Variants in NCBP1 observed in about 807,000 individuals in gnomAD.
NCBP1 encodes nuclear cap binding protein subunit 1.
A neutral mutation model predicts 111.7 loss-of-function variants in NCBP1; 16 were observed. The observed-to-expected ratio is 0.14, with a 90% CI of 0.10 to 0.22. NCBP1 has a LOEUF of 0.22. Ranked by LOEUF, NCBP1 falls within the 10% of genes least tolerant of loss-of-function variation. The pLI, the probability that NCBP1 is intolerant of heterozygous loss-of-function variation, is 1.00. For missense variants in NCBP1, 607 were observed against 957.5 expected (o/e 0.63, Z 4.83); for synonymous variants, 304 against 314.3 (o/e 0.97, Z 0.35).
chr9:97,639,323 C>G (rs982273325), intron 1 of NCBP1, among the ~76,000 whole-genome samples: 1 of 151,996 alleles, frequency 6.6e-6, no homozygotes, highest in Non-Finnish European at 1.5e-5. Context: ...GTAATAGATT[C>G]GTTTTATTCA....
intron 3 of NCBP1, among the ~76,000 whole-genome samples, chr9:97,642,650 T>A (rs1253653861): frequency 6.6e-6 from 1 of 152,124 alleles, no homozygotes; most frequent in Admixed American, 6.6e-5. Flanking sequence ...AGTATGTTTT[T>A]AAAAAATTCA....
chr9:97,669,516 G>C, intron 21 of NCBP1, 77 bp from the exon 22 acceptor site: 2 of 968,530 alleles, frequency 2.1e-6, no homozygotes, highest in Non-Finnish European at 3.3e-6. Context: ...ATACTTTGGG[G>C]TTTCTTTGTC....
chr9:97,670,170 C>T (rs752619434), intron 22 of NCBP1: 28 of 231,842 alleles, frequency 1.2e-4, no homozygotes, highest in Non-Finnish European at 2.1e-4. Context: ...AGGCCTCCGC[C>T]TCCCAAAGTG....
chr9:97,661,736 T>TG (rs1827842138), intron 16 of NCBP1, among the ~76,000 whole-genome samples: 1 of 140,790 alleles, frequency 7.1e-6, no homozygotes, highest in African/African-American at 3.2e-5. Flanking sequence ...TTAAGTGTTT[T>TG]TTTTTTTTTT....
At chr9:97,666,530 A>G (rs971390478) in intron 19 of NCBP1, among the ~76,000 whole-genome samples, 7 of 152,224 alleles carry the variant, frequency 4.6e-5, no homozygotes, top group Admixed American at 3.9e-4. Flanking sequence ...AAAAATGACT[A>G]CACAGTGCTG....
At chr9:97,647,040 A>G (rs547224323) in intron 6 of NCBP1, among the ~76,000 whole-genome samples, 3 of 151,812 alleles carry the variant, frequency 2.0e-5, no homozygotes, top group African/African-American at 7.3e-5. Flanking sequence ...TCACTTTTTA[A>G]TGTACCATGA....
At chr9:97,661,739 T>TG (rs1827842728) in intron 16 of NCBP1, among the ~76,000 whole-genome samples, 1 of 151,308 alleles carries the variant, frequency 6.6e-6, no homozygotes, top group Non-Finnish European at 1.5e-5. Context: ...AGTGTTTTTT[T>TG]TTTTTTTTTT....
chr9:97,658,596 G>A, intron 14 of NCBP1, 44 bp from the exon 15 acceptor site: 3 of 1,438,734 alleles, frequency 2.1e-6, no homozygotes, highest in Non-Finnish European at 2.0e-6. Flanking sequence ...CCGAAGAATG[G>A]GACTGATAAA....
chr9:97,661,157 G>C (rs2131359283), intron 16 of NCBP1, 89 bp downstream of exon 16: 1 of 1,517,852 alleles, frequency 6.6e-7, no homozygotes, highest in Admixed American at 1.9e-5. Flanking sequence ...TGCTCTTAAA[G>C]CAATATATCT....
chr9:97,669,921 C>G, intron 22 of NCBP1: 1 of 579,872 alleles, frequency 1.7e-6, no homozygotes, highest in Non-Finnish European at 3.1e-6. Flanking sequence ...CCCAACAACC[C>G]CCCGCCCCAC....
chr9:97,634,032 C>T, intron 1 of NCBP1, 117 bp downstream of exon 1: 1 of 1,260,358 alleles, frequency 7.9e-7, no homozygotes, highest in Non-Finnish European at 1.1e-6. Flanking sequence ...TGCGGGGAGC[C>T]GCGGAGGGAA....
Position 97,662,948 on chromosome 9 carries a change from C to T in NCBP1, c.1704-6C>T. ...TATGGTATTTTTTTCCCATCATTAT[C>T]AAAAGGTTTCATGAAGTCTTCAAAA... On this transcript the variant is annotated splice_polypyrimidine_tract_variant and splice_region_variant and intron_variant, in intron 17 of 22. Transcript: ENST00000375147. 6.3e-7 allele frequency: 1 copy of T among 1,598,666 alleles called. No homozygotes were observed. Among genetic ancestry groups the T allele is most frequent in the Middle Eastern group, 1.7e-4 (1 of 5,998 alleles).
chr9:97,636,667 T>C (rs1024376556), intron 1 of NCBP1, among the ~76,000 whole-genome samples: 1 of 134,208 alleles, frequency 7.5e-6, no homozygotes, highest in African/African-American at 3.0e-5. Flanking sequence ...TATATATATA[T>C]ATATATAAAA....
chr9:97,656,138 T>C (rs780025005), intron 14 of NCBP1, 53 bp downstream of exon 14: 91 of 1,367,614 alleles, frequency 6.7e-5, no homozygotes, highest in Non-Finnish European at 9.3e-5. Flanking sequence ...TTTCTTTCTC[T>C]TCTCTGCACT....
chr9:97,641,867 A>G (rs1359167239), intron 3 of NCBP1, among the ~76,000 whole-genome samples: 1 of 152,126 alleles, frequency 6.6e-6, no homozygotes, highest in Non-Finnish European at 1.5e-5. Context: ...TTTTCCTTGT[A>G]TGTTCTTACA....
At chr9:97,658,865 T>G (rs548302643) in intron 15 of NCBP1, 122 bp downstream of exon 15, 1 of 738,288 alleles carries the variant, frequency 1.4e-6, no homozygotes, top group African/African-American at 1.8e-5. Flanking sequence ...TTCCTGTATT[T>G]GAAAGGTGGT....
At chr9:97,662,207 A>G in intron 17 of NCBP1, 63 bp downstream of exon 17, 1 of 1,198,816 alleles carries the variant, frequency 8.3e-7, no homozygotes, top group Non-Finnish European at 1.2e-6. Context: ...CACCAGTGGT[A>G]TGGTAATTTT....
At chr9:97,670,117 T>C (rs2131372415) in intron 22 of NCBP1, 1 of 311,294 alleles carries the variant, frequency 3.2e-6, no homozygotes, top group South Asian at 3.0e-5. Flanking sequence ...GGGACAGAGT[T>C]TCACCATGTT....
chr9:97,636,198 A>G (rs1037068189), intron 1 of NCBP1: 3 of 152,126 alleles, frequency 2.0e-5, no homozygotes, highest in African/African-American at 7.2e-5. Context: ...CGATCGCTGG[A>G]GTTTACCCTA....
Sources: gnomAD v4.1 joint callset for allele counts (sites outside exome capture counted in the v4.1 genomes callset) on GRCh38, gnomAD v4.1.1 for gene constraint, MANE v1.5 for transcripts, NCBI Gene and HGNC (gene_info 2026-07-23, HGNC 2026-07-21) for gene names.